Variants in SNRNP70 observed in about 807,000 individuals in gnomAD.
SNRNP70 encodes the protein U1 small nuclear ribonucleoprotein 70 kDa.
Under a neutral mutation model 50.5 loss-of-function variants are expected in SNRNP70, and 8 were observed. The observed-to-expected ratio is 0.16, with a 90% CI of 0.09 to 0.29. The LOEUF is 0.29. Ranked by LOEUF, SNRNP70 falls within the 10% of genes least tolerant of loss-of-function variation. SNRNP70 has a pLI of 1.00. For synonymous variants in SNRNP70, 320 were observed against 252.9 expected (o/e 1.27, Z -2.52); for missense variants, 529 against 663.5 (o/e 0.80, Z 2.23).
chr19:49,089,576 C>T (rs1158966658), intron 2 of SNRNP70, among the ~76,000 whole-genome samples: 1 of 151,646 alleles, frequency 6.6e-6, no homozygotes, highest in Admixed American at 6.6e-5. Flanking sequence ...AACACTTAGT[C>T]CTGGTTTCTG....
chr19:49,102,231 C>T, intron 7 of SNRNP70: 1 of 1,256,930 alleles, frequency 8.0e-7, no homozygotes, highest in Non-Finnish European at 1.0e-6. Context: ...ACCAGCCCAG[C>T]TTAGCCAGGC....
chr19:49,087,321 A>G (rs2040394783), intron 2 of SNRNP70, among the ~76,000 whole-genome samples: 1 of 152,044 alleles, frequency 6.6e-6, no homozygotes, highest in Non-Finnish European at 1.5e-5. Context: ...GTATCCTCTT[A>G]ATGCATTGGT....
chr19:49,092,941 G>A (rs1369061770), intron 4 of SNRNP70, among the ~76,000 whole-genome samples: 2 of 137,600 alleles, frequency 1.5e-5, no homozygotes, highest in Non-Finnish European at 3.2e-5. Context: ...TTAGGGACAG[G>A]GTCGTGCTGT....
chr19:49,099,308 G>A (rs1478771623), intron 6 of SNRNP70, among the ~76,000 whole-genome samples: 2 of 152,224 alleles, frequency 1.3e-5, no homozygotes, highest in South Asian at 2.1e-4. Context: ...ATGTCAGGCC[G>A]GGTGCAATGG....
intron 2 of SNRNP70, 76 bp from the exon 3 acceptor site, chr19:49,090,215 G>A (rs2040431126): frequency 3.0e-6 from 4 of 1,338,708 alleles, no homozygotes; most frequent in Middle Eastern, 2.5e-4. Flanking sequence ...GGGTTAACCT[G>A]TTTATTTCCT....
chr19:49,107,865 C>A lies in SNRNP70; in HGVS notation c.736C>A (p.Arg246=). ...DRERERRERS[R]ERDKERERRR... ...TGAGCGGGAGCGCAGAGAGCGGAGC[C>A]GGGAGCGAGACAAGGAGCGAGAACG... Residue 246 remains arginine, a synonymous_variant, in exon 10 of 10, where the codon CGG becomes AGG. Transcript: ENST00000598441. The surrounding 1 kb of genome is among the most constrained non-coding windows in gnomAD (Gnocchi z 6.0). The A allele has an allele frequency of 6.4e-7, 1 of 1,558,574 alleles. No homozygotes were observed.
intron 2 of SNRNP70, among the ~76,000 whole-genome samples, chr19:49,087,134 C>T (rs1038737516): frequency 2.1e-5 from 3 of 145,026 alleles, no homozygotes; most frequent in Admixed American, 1.4e-4. Context: ...GAGCCGAGAT[C>T]GCGCCACTGC....
At chr19:49,100,760 T>G (rs2040572800) in intron 6 of SNRNP70, among the ~76,000 whole-genome samples, 2 of 147,016 alleles carry the variant, frequency 1.4e-5, no homozygotes, top group South Asian at 4.3e-4. Context: ...GAGCTGAGAT[T>G]GAGCCATTGC....
In SNRNP70 at chr19:49,104,543, A is replaced by C. The variant is rs767029822; in HGVS notation, c.476-91A>C. ...TGTGCGTGTGCGTGATGATGGGGAC[A>C]CGGGGCGGGGATTCTGTAGAGCTGG... On this transcript the variant is annotated intron_variant, in intron 7 of 9. Transcript: ENST00000598441. This position sits in a 1 kb window ranked among gnomAD's most constrained non-coding sequence, Gnocchi z 5.4. 2 of 958,234 alleles carry C rather than the reference A, an allele frequency of 2.1e-6. No homozygotes were observed. Among genetic ancestry groups the C allele is most frequent in the South Asian group, 2.8e-5 (2 of 71,652 alleles). The allele number at this position is 958,234 out of a possible 1,614,324, so 59.4% of individuals were successfully genotyped here.
chr19:49,094,094 A>G (rs1024397240), intron 4 of SNRNP70, among the ~76,000 whole-genome samples: 4 of 152,236 alleles, frequency 2.6e-5, no homozygotes, highest in African/African-American at 7.2e-5. Context: ...ACACTGGATC[A>G]TAGATGAGGT....
At chr19:49,090,695 C>A in intron 4 of SNRNP70, 175 bp downstream of exon 4, 1 of 645,078 alleles carries the variant, frequency 1.6e-6, no homozygotes, top group Non-Finnish European at 2.8e-6. Context: ...TTAGGCTTTT[C>A]AGCAGCAGAA....
rs1241120161 is a variant in SNRNP70, at chr19:49,104,786, C to T, written c.577+51C>T. On this transcript the variant is annotated intron_variant, in intron 8 of 9. Transcript: ENST00000598441. This position sits in a 1 kb window ranked among gnomAD's most constrained non-coding sequence, Gnocchi z 5.4. The stretch of plus-strand genomic sequence containing the variant: ...CTCTCGGGGGCCCTGGGCCTGGTGG[C>T]CTTGTTCTCCCTTCTCTGCTGCTTT... 2.6e-6 allele frequency: 3 copies of T among 1,145,444 alleles called. No homozygotes were observed. The highest frequency in any genetic ancestry group is 2.5e-5 in the Admixed American group (1 of 39,778). The allele number at this position is 1,145,444 out of a possible 1,614,324, so 71.0% of individuals were successfully genotyped here.
At chr19:49,101,726 C>A in intron 7 of SNRNP70, 1 of 495,832 alleles carries the variant, frequency 2.0e-6, no homozygotes. Context: ...ACCTCAGGGG[C>A]AAAGAGGGAA....
intron 4 of SNRNP70, among the ~76,000 whole-genome samples, chr19:49,096,707 C>T (rs2040518310): frequency 6.6e-6 from 1 of 151,916 alleles, no homozygotes; most frequent in African/African-American, 2.4e-5. Context: ...GCGGAGGTTG[C>T]AGTAAGCCGA....
chr19:49,102,756 AG>A (rs749000369), intron 7 of SNRNP70: 1 of 153,210 alleles, frequency 6.5e-6, no homozygotes, highest in African/African-American at 2.4e-5. Context: ...GGAGGGACCA[AG>A]GGGTAGGCTG....
chr19:49,094,362 G>A (rs2040487005), intron 4 of SNRNP70, among the ~76,000 whole-genome samples: 1 of 151,964 alleles, frequency 6.6e-6, no homozygotes, highest in Non-Finnish European at 1.5e-5. Context: ...ATCTGGGTGT[G>A]GTAGCAGGGG....
At chr19:49,102,519 C>T (rs776912136) in intron 7 of SNRNP70, 11 of 221,900 alleles carry the variant, frequency 5.0e-5, no homozygotes, top group Non-Finnish European at 9.5e-5. Flanking sequence ...GCCAGGGCTC[C>T]ACTGGAGCCC....
intron 1 of SNRNP70, among the ~76,000 whole-genome samples, chr19:49,085,935 C>T (rs182077114): frequency 2.0e-5 from 3 of 152,242 alleles, no homozygotes; most frequent in Non-Finnish European, 4.4e-5. Context: ...GGGTCCAGGT[C>T]TGTTACCCAC....
Position 49,108,267 on chromosome 19 carries a change from C to A in SNRNP70, c.1138C>A (p.Arg380=). Residue 380 remains arginine (R), a synonymous_variant, in exon 10 of 10, where the codon CGG becomes AGG. Transcript: ENST00000598441. Reference sequence around the variant, plus strand: ...CCGTGACCGTGACCGCGAGCACAAACGGGGGGAGCGGGGCAGTGAGCGGGG... The same window carrying A: ...CCGTGACCGTGACCGCGAGCACAAAAGGGGGGAGCGGGGCAGTGAGCGGGG... ...RDRDRDREHK[R]GERGSERGRD... 6.4e-7 allele frequency: 1 copy of A among 1,553,812 alleles called. No homozygotes were observed. The highest frequency in any genetic ancestry group is 1.4e-5 in the African/African-American group (1 of 73,422).
Sources: gnomAD v4.1 joint callset for allele counts (sites outside exome capture counted in the v4.1 genomes callset) on GRCh38, gnomAD v4.1.1 for gene constraint, Gnocchi (gnomAD v3.1) non-coding constraint, MANE v1.5 for transcripts, NCBI Gene and HGNC (gene_info 2026-07-23, HGNC 2026-07-21) for gene names.